The following MSRA variants were observed in gnomAD, a reference collection of about 807,000 sequenced individuals.
The protein encoded by MSRA is methionine sulfoxide reductase A, also known as mitochondrial peptide methionine sulfoxide reductase.
Under a neutral mutation model 31.3 loss-of-function variants are expected in MSRA, and 54 were observed. That is an observed-to-expected ratio of 1.73 (90% confidence interval 1.39 to 2.17). The LOEUF (loss-of-function observed/expected upper bound fraction) is 2.17. MSRA is among the 30% of genes most tolerant of loss of function. The probability of loss-of-function intolerance (pLI) is 0.00; values close to 1 mark genes in which losing one functional copy is unlikely to be tolerated. For missense variants in MSRA, 507 were observed against 300.9 expected (o/e 1.69, Z -5.07); for synonymous variants, 169 against 116.5 (o/e 1.45, Z -2.90).
chr8:10,124,402 C>T (rs1322328518), intron 1 of MSRA, among the ~76,000 whole-genome samples: 2 of 152,078 alleles, frequency 1.3e-5, no homozygotes, highest in Non-Finnish European at 2.9e-5. Flanking sequence ...CAAACCAGAC[C>T]CGTTTTTCTG....
At chr8:10,190,575 T>C (rs1205622610) in intron 1 of MSRA, among the ~76,000 whole-genome samples, 1 of 152,242 alleles carries the variant, frequency 6.6e-6, no homozygotes, top group Non-Finnish European at 1.5e-5. Context: ...ATCTGAGTCC[T>C]TTCATGTCTG....
intron 1 of MSRA, among the ~76,000 whole-genome samples, chr8:10,121,316 G>C (rs967057890): frequency 3.3e-5 from 5 of 152,210 alleles, no homozygotes; most frequent in Non-Finnish European, 5.9e-5. Flanking sequence ...CTAGGGCCTG[G>C]AGAAGGACTT....
At chr8:10,204,082 TAAA>T (rs1419297611) in intron 1 of MSRA, among the ~76,000 whole-genome samples, 1 of 152,048 alleles carries the variant, frequency 6.6e-6, no homozygotes, top group East Asian at 1.9e-4. Flanking sequence ...ATGAAAATTT[TAAA>T]AACAGGAAGA....
At chr8:10,102,017 T>C (rs932602394) in intron 1 of MSRA, among the ~76,000 whole-genome samples, 3 of 152,232 alleles carry the variant, frequency 2.0e-5, no homozygotes, top group Non-Finnish European at 2.9e-5. Flanking sequence ...TGAATTGTTT[T>C]GCCCTTCAGC....
In MSRA at chr8:10,358,778, G is replaced by T. The variant is rs1036348548; in HGVS notation, c.543+38789G>T. Reference sequence around the variant, plus strand: ...CGGCTAATTTTTTGTATTTTTAGTAGAGACGGGGTTTCACCGTTTTAGCCG... The same window carrying T: ...CGGCTAATTTTTTGTATTTTTAGTATAGACGGGGTTTCACCGTTTTAGCCG... On this transcript the variant is annotated intron_variant, in intron 5 of 5. Coordinates refer to ENST00000317173, the MANE Select transcript of MSRA (RefSeq NM_012331.5). 1.2e-4 allele frequency among the ~76,000 whole-genome samples: 18 copies of T among 148,362 alleles called. 2 individuals carry two copies. The highest frequency in any genetic ancestry group is 4.1e-4 in the African/African-American group (16 of 38,670).
chr8:10,205,881 C>G (rs905327984), intron 1 of MSRA, among the ~76,000 whole-genome samples: 1 of 152,148 alleles, frequency 6.6e-6, no homozygotes, highest in East Asian at 1.9e-4. Flanking sequence ...GTATCTCTCT[C>G]AAGGCTGCAT....
Position 10,283,786 on chromosome 8 carries a change from G to T in MSRA, c.332-17748G>T, listed in dbSNP as rs530615283. On this transcript the variant is annotated intron_variant, in intron 3 of 5. Transcript: ENST00000317173. ...CCATTAATTGATTCCTTTTTTGGTT[G>T]AGTAGTATTCTATCTCATATATATA... Among the ~76,000 whole-genome samples, 7 of 122,280 alleles carry T rather than the reference G, an allele frequency of 5.7e-5. No individual in the cohort carries two copies. In the South Asian group the frequency reaches 1.7e-3, roughly 30 times the overall value. The allele number at this position is 122,280 out of a possible 152,430, so 80.2% of individuals were successfully genotyped here.
intron 2 of MSRA, among the ~76,000 whole-genome samples, chr8:10,222,063 G>T (rs1810561130): frequency 6.6e-6 from 1 of 151,998 alleles, no homozygotes; most frequent in African/African-American, 2.4e-5. Context: ...AGGGTTTAAG[G>T]CAGAGGTATG....
intron 1 of MSRA, among the ~76,000 whole-genome samples, chr8:10,087,819 A>C (rs1377779320): frequency 6.6e-6 from 1 of 152,232 alleles, no homozygotes; most frequent in African/African-American, 2.4e-5. Flanking sequence ...TAAGAGAGAC[A>C]TTTTAAATTT....
intron 5 of MSRA, among the ~76,000 whole-genome samples, chr8:10,347,036 C>T (rs1450285239): frequency 6.6e-6 from 1 of 152,174 alleles, no homozygotes; most frequent in Non-Finnish European, 1.5e-5. Flanking sequence ...CCCCATCATT[C>T]TGGCTGAAGC....
chr8:10,245,196 A>C lies in MSRA; in HGVS notation c.304A>C (p.Asn102His), dbSNP rs548709633. The C allele has an allele frequency of 1.2e-6, 2 of 1,613,580 alleles. No homozygotes were observed. The highest frequency in any genetic ancestry group is 1.1e-5 in the South Asian group (1 of 90,956). ...TGGTTTTGCAGGAGGCTATACTTCA[A>C]ATCCTACTTATAAAGAAGTCTGCTC... ...QVGFAGGYTS[N>H]PTYKEVCSEK... is the part of the protein sequence containing the mutation. The change falls in exon 3 of 6, where the codon AAT becomes CAT. Residue 102 changes from asparagine to histidine, a missense_variant. Coordinates refer to ENST00000317173, the MANE Select transcript of MSRA (RefSeq NM_012331.5).
At chr8:10,288,142 G>C (rs1238232493) in intron 3 of MSRA, among the ~76,000 whole-genome samples, 1 of 152,186 alleles carries the variant, frequency 6.6e-6, no homozygotes, top group Non-Finnish European at 1.5e-5. Context: ...TGATTGTACT[G>C]ATATTTGATT....
At chr8:10,116,647 C>T (rs1800701965) in intron 1 of MSRA, among the ~76,000 whole-genome samples, 1 of 152,072 alleles carries the variant, frequency 6.6e-6, no homozygotes, top group Non-Finnish European at 1.5e-5. Flanking sequence ...GCAGGGTCTG[C>T]CAACACACTG....
intron 1 of MSRA, among the ~76,000 whole-genome samples, chr8:10,099,444 T>C (rs151070651): frequency 1.3e-5 from 2 of 152,260 alleles, no homozygotes; most frequent in Admixed American, 6.5e-5. Flanking sequence ...ATAGGAATAA[T>C]TGATGAATGT....
intron 5 of MSRA, among the ~76,000 whole-genome samples, chr8:10,352,329 C>G (rs957829473): frequency 6.6e-6 from 1 of 152,094 alleles, no homozygotes; most frequent in African/African-American, 2.4e-5. Flanking sequence ...TATGTGTACC[C>G]TATGAGAAAT....
chr8:10,090,537 G>A (rs1798802171), intron 1 of MSRA, among the ~76,000 whole-genome samples: 1 of 152,194 alleles, frequency 6.6e-6, no homozygotes, highest in Admixed American at 6.5e-5. Flanking sequence ...AAAAGTTGAT[G>A]TAATTCACAT....
intron 2 of MSRA, among the ~76,000 whole-genome samples, chr8:10,242,588 C>T (rs1585254268): frequency 6.6e-6 from 1 of 151,984 alleles, no homozygotes; most frequent in African/African-American, 2.4e-5. Context: ...TGTTTTATAA[C>T]AAAAGGCTAA....
intron 5 of MSRA, 83 bp from the exon 6 acceptor site, chr8:10,428,065 C>CA (rs1809295254): frequency 1.4e-6 from 2 of 1,472,258 alleles, no homozygotes; most frequent in Admixed American, 2.3e-5. Context: ...CTGCTCACTG[C>CA]AGCCCTGGCC....
intron 5 of MSRA, among the ~76,000 whole-genome samples, chr8:10,362,780 C>T (rs895872606): frequency 6.6e-6 from 1 of 152,090 alleles, no homozygotes; most frequent in Admixed American, 6.5e-5. Flanking sequence ...GGCCGTTAGT[C>T]CCTGCCTTTT....
Sources: allele counts gnomAD v4.1 joint callset (sites outside exome capture counted in the v4.1 genomes callset), GRCh38; gene constraint gnomAD v4.1.1; transcripts MANE v1.5; gene names NCBI Gene and HGNC (gene_info 2026-07-23, HGNC 2026-07-21).